Variants in PKHD1L1 observed in about 807,000 individuals in gnomAD.
PKHD1L1 encodes fibrocystin-L.
Under a neutral mutation model 462.9 loss-of-function variants are expected in PKHD1L1, and 434 were observed. That is an observed-to-expected ratio of 0.94 (90% CI 0.87 to 1.02). PKHD1L1 has a LOEUF of 1.02. Ranked by LOEUF, PKHD1L1 falls within the 50% of genes least tolerant of loss-of-function variation. The pLI, the probability that PKHD1L1 is intolerant of heterozygous loss-of-function variation, is 0.00. For missense variants in PKHD1L1, 5,202 were observed against 5,096.1 expected (o/e 1.02, Z -0.63); for synonymous variants, 1,781 against 1,750.0 (o/e 1.02, Z -0.44).
At chr8:109,491,205 A>C (rs1818807772) in intron 61 of PKHD1L1, 104 bp downstream of exon 61, 1 of 1,211,650 alleles carries the variant, frequency 8.3e-7, no homozygotes, top group Non-Finnish European at 1.1e-6. Context: ...TGAGGATGGA[A>C]ATGGTCTATA....
At chr8:109,445,769 A>C in intron 38 of PKHD1L1, 124 bp downstream of exon 38, 1 of 1,012,252 alleles carries the variant, frequency 9.9e-7, no homozygotes, top group Non-Finnish European at 1.4e-6. Flanking sequence ...ACTTACACTT[A>C]ATACCTGGGA....
intron 57 of PKHD1L1, among the ~76,000 whole-genome samples, 181 bp downstream of exon 57, chr8:109,483,286 A>G (rs953868018): frequency 2.6e-5 from 4 of 151,606 alleles, no homozygotes; most frequent in Admixed American, 6.6e-5. Context: ...TGTGGCTTCA[A>G]TGGTCCTTTA....
At position 109,438,404 on chromosome 8, in the gene PKHD1L1, T is replaced by G; in HGVS notation, c.3708T>G (p.Cys1236Trp). Residue 1236 changes from cysteine (C) to tryptophan (W), a missense_variant, in exon 31 of 78, where the codon TGT (cysteine) becomes TGG (tryptophan). By Grantham distance (215) the Cys-to-Trp change is radical. Around this residue, in one of 3 missense-constraint regions of PKHD1L1, gnomAD observed 4,497 missense variants for 4,336.8 expected, o/e 1.04. Coordinates refer to ENST00000378402, the MANE Select transcript of PKHD1L1 (RefSeq NM_177531.6). ...CAAGGGATGCTTTTAGTTATAATTG[T>G]TTACAGACACCAATTATAACTGATT... is the stretch of plus-strand genomic sequence containing the variant. ...ATARDAFSYNCLQTPIITDFS... is the reference protein window; with the variant it reads ...ATARDAFSYNWLQTPIITDFS... 6.5e-7 allele frequency: 1 copy of G among 1,539,446 alleles called. No homozygotes were observed. The highest frequency in any genetic ancestry group is 8.8e-7 in the Non-Finnish European group (1 of 1,138,248).
chr8:109,456,616 G>A lies in PKHD1L1; in HGVS notation c.7004+225G>A, dbSNP rs1302789832. 3.9e-5 allele frequency among the ~76,000 whole-genome samples: 6 copies of A among 152,022 alleles called. No homozygotes were observed. The South Asian group carries it at 8.3e-4, about 21-fold the overall frequency. ...TTACAATAAGAAAAAACATAAATTC[G>A]AACCTATGAAATAACTATGTCCTAG... On this transcript the variant is annotated intron_variant, in intron 46 of 77. Coordinates refer to ENST00000378402, the MANE Select transcript of PKHD1L1 (RefSeq NM_177531.6).
chr8:109,518,495 C>A lies in PKHD1L1; in HGVS notation c.12018C>A (p.Ser4006Arg), dbSNP rs764746075. The change falls in exon 73 of 78, where the codon AGC becomes AGA. Residue 4006 changes from serine to arginine, a missense_variant. By Grantham distance (110) the Ser-to-Arg change is moderately radical (BLOSUM62 -1). Around this residue, in one of 3 missense-constraint regions of PKHD1L1, gnomAD observed 698 missense variants for 736.3 expected, o/e 0.95. Transcript: ENST00000378402. ...GAGACCCTCCTATTCAGTTCATAAG[C>A]AATGGCACCACAGGTATGAATAACA... ...EIGDPPIQFI[S>R]NGTTGQMQLS... is the part of the protein sequence containing the mutation. 115 of 1,598,022 alleles carry A rather than the reference C, an allele frequency of 7.2e-5. No homozygotes were observed. Among genetic ancestry groups the A allele is most frequent in the Non-Finnish European group, 9.6e-5 (113 of 1,176,662 alleles).
rs1821037017 is a variant in PKHD1L1, at chr8:109,531,373, C to T, written c.*1283C>T. On this transcript the variant is annotated 3_prime_UTR_variant, in exon 78 of 78. Coordinates refer to ENST00000378402, the MANE Select transcript of PKHD1L1 (RefSeq NM_177531.6). ...GCTATGCCTTCCCTCGAAGAGTTTT[C>T]AGGATATTTGGGGAAAGAATGGAAA... is the stretch of plus-strand genomic sequence containing the variant. Among the ~76,000 whole-genome samples, 2 of 152,046 alleles carry T rather than the reference C, an allele frequency of 1.3e-5. No individual in the cohort carries two copies. The highest frequency in any genetic ancestry group is 2.9e-5 in the Non-Finnish European group (2 of 68,020).
chr8:109,470,457 G>A lies in PKHD1L1; in HGVS notation c.8605+3688G>A, dbSNP rs1817661380. ...AATCAAAATGTGAAAGGAATGGATTGGTTAAAGCCCAGATAGCGCTAGAGG... is the reference window on the plus strand; with the variant it reads ...AATCAAAATGTGAAAGGAATGGATTAGTTAAAGCCCAGATAGCGCTAGAGG... On this transcript the variant is annotated intron_variant, in intron 50 of 77. Coordinates refer to ENST00000378402, the MANE Select transcript of PKHD1L1 (RefSeq NM_177531.6). 1.9e-6 allele frequency: 3 copies of A among 1,603,318 alleles called. No individual in the cohort carries two copies. In the South Asian group the frequency reaches 3.3e-5, roughly 18 times the overall value.
intron 11 of PKHD1L1, among the ~76,000 whole-genome samples, chr8:109,396,657 C>T (rs965438464): frequency 6.6e-5 from 10 of 152,196 alleles, no homozygotes; most frequent in Non-Finnish European, 1.5e-4. Context: ...CCATGTAGGG[C>T]TTGGCTCTGT....
intron 55 of PKHD1L1, among the ~76,000 whole-genome samples, chr8:109,480,910 G>T (rs1257125466): frequency 2.6e-5 from 4 of 151,788 alleles, no homozygotes; most frequent in African/African-American, 9.7e-5. Flanking sequence ...TAAGTTATTT[G>T]ACCTCTTTCA....
chr8:109,526,509 A>C lies in PKHD1L1; in HGVS notation c.12485-275A>C, dbSNP rs1178694873. Among the ~76,000 whole-genome samples, 3 of 152,154 alleles carry C rather than the reference A, an allele frequency of 2.0e-5. No homozygotes were observed. In the East Asian group the frequency reaches 5.8e-4, roughly 29 times the overall value. ...CAACAGTTTTTGTCCAGTCCTGGGC[A>C]CTAGGAAGGGGCTCTAAGAAGCAGG... On this transcript the variant is annotated intron_variant, in intron 76 of 77. Coordinates refer to ENST00000378402, the MANE Select transcript of PKHD1L1 (RefSeq NM_177531.6).
chr8:109,407,564 A>G (rs779640168), intron 17 of PKHD1L1, among the ~76,000 whole-genome samples: 8 of 152,176 alleles, frequency 5.3e-5, no homozygotes, highest in Admixed American at 2.0e-4. Flanking sequence ...GGCAAAGCCA[A>G]TGATTATCAT....
In PKHD1L1 at chr8:109,400,250, T is replaced by C; in HGVS notation, c.1187T>C (p.Leu396Ser). The C allele has an allele frequency of 1.2e-6, 2 of 1,613,714 alleles. No homozygotes were observed. The highest frequency in any genetic ancestry group is 1.1e-5 in the South Asian group (1 of 91,080). ...DTFVARFSGF[L>S]VAPDSDVYRF... ...TTTGTTGCACGCTTTAGTGGATTTTTGGTGGCTCCAGATTCTGATGTTTAT... is the reference window on the plus strand; with the variant it reads ...TTTGTTGCACGCTTTAGTGGATTTTCGGTGGCTCCAGATTCTGATGTTTAT... The change falls in exon 13 of 78, where the codon TTG becomes TCG. Residue 396 changes from leucine (L) to serine (S), a missense_variant. This residue lies in a region of PKHD1L1 where 4,497 missense variants were observed against 4,336.8 expected (regional missense o/e 1.04). Transcript: ENST00000378402.
rs536157318 is a variant in PKHD1L1, at chr8:109,438,021, G to A, written c.3628-303G>A. Among the ~76,000 whole-genome samples the A allele has an allele frequency of 1.1e-3, 163 of 150,566 alleles. 1 individual carries two copies. The highest frequency in any genetic ancestry group is 1.2e-3 in the Non-Finnish European group (82 of 67,964). Reference sequence around the variant, plus strand: ...CTTTAGTATCTAATGCTTTATCAGAGAATCACTTCTCCAGAGCATCTCAAC... The same window carrying A: ...CTTTAGTATCTAATGCTTTATCAGAAAATCACTTCTCCAGAGCATCTCAAC... On this transcript the variant is annotated intron_variant, in intron 30 of 77. Transcript: ENST00000378402.
rs1274352503 is a variant in PKHD1L1, at chr8:109,535,047, C to A, written c.*4957C>A. On this transcript the variant is annotated 3_prime_UTR_variant, in exon 78 of 78. Coordinates refer to ENST00000378402, the MANE Select transcript of PKHD1L1 (RefSeq NM_177531.6). ...GCATGATGAAACTTTTCCTATCCTGCTTTTTGAGATTAAGAAATCTTTTAA... is the reference window on the plus strand; with the variant it reads ...GCATGATGAAACTTTTCCTATCCTGATTTTTGAGATTAAGAAATCTTTTAA... Among the ~76,000 whole-genome samples, 1 of 152,090 alleles carries A rather than the reference C, an allele frequency of 6.6e-6. No individual in the cohort carries two copies. Among genetic ancestry groups the A allele is most frequent in the Non-Finnish European group, 1.5e-5 (1 of 67,996 alleles).
At chr8:109,447,653 A>G (rs959962531) in intron 38 of PKHD1L1, among the ~76,000 whole-genome samples, 1 of 152,328 alleles carries the variant, frequency 6.6e-6, no homozygotes. Flanking sequence ...ACACCCATTT[A>G]CATATCATAA....
At position 109,382,148 on chromosome 8, in the gene PKHD1L1, C is replaced by A. The variant is rs146083566; in HGVS notation, c.309-315C>A. On this transcript the variant is annotated intron_variant, in intron 3 of 77. Transcript: ENST00000378402. ...CAAAGCATGGAATAACTGATTGTACCGAGGTGATATGTTACTATTTTAAAT... is the reference window on the plus strand; with the variant it reads ...CAAAGCATGGAATAACTGATTGTACAGAGGTGATATGTTACTATTTTAAAT... 1.4e-3 allele frequency among the ~76,000 whole-genome samples: 214 copies of A among 152,018 alleles called. 2 individuals are homozygous for A. The highest frequency in any genetic ancestry group is 3.4e-3 in the Middle Eastern group (1 of 294).
chr8:109,411,009 G>A (rs1475939367), intron 19 of PKHD1L1, among the ~76,000 whole-genome samples: 1 of 151,854 alleles, frequency 6.6e-6, no homozygotes. Flanking sequence ...TTACAGACTT[G>A]AGCCACCGCA....
chr8:109,465,995 G>A (rs1475093141), intron 49 of PKHD1L1, among the ~76,000 whole-genome samples: 3 of 152,140 alleles, frequency 2.0e-5, no homozygotes, highest in African/African-American at 4.8e-5. Flanking sequence ...TGAGTCAATC[G>A]ACAGGTAAAC....
At chr8:109,504,197 T>C in intron 67 of PKHD1L1, 130 bp from the exon 68 acceptor site, 1 of 534,408 alleles carries the variant, frequency 1.9e-6, no homozygotes, top group Non-Finnish European at 3.1e-6. Flanking sequence ...GGTAGACTTA[T>C]TTACCATATC....
Sources: allele counts gnomAD v4.1 joint callset (sites outside exome capture counted in the v4.1 genomes callset), GRCh38; gene constraint gnomAD v4.1.1; regional missense constraint gnomAD v4.1.1; transcripts MANE v1.5; gene names NCBI Gene and HGNC (gene_info 2026-07-23, HGNC 2026-07-21).